Variants in VPS53 observed in about 807,000 individuals in gnomAD.
VPS53 encodes VPS53 subunit of GARP complex, also known as vacuolar protein sorting-associated protein 53 homolog.
Under a neutral mutation model 107.0 loss-of-function variants are expected in VPS53, and 70 were observed. That is an observed-to-expected ratio of 0.65 (90% CI 0.54 to 0.80). The LOEUF (loss-of-function observed/expected upper bound fraction) is 0.80, where lower values mean the gene tolerates loss of function less well. VPS53 is among the 30% of genes least tolerant of loss of function. The probability of loss-of-function intolerance (pLI) is 0.00; values close to 1 mark genes in which losing one functional copy is unlikely to be tolerated. For synonymous variants in VPS53, 409 were observed against 393.3 expected, an observed-to-expected ratio of 1.04 and a Z score of -0.47; for missense variants, 917 against 1,049.4, an observed-to-expected ratio of 0.87 and a Z score of 1.74.
At chr17:611,852 A>G (rs1968892709) in intron 11 of VPS53, among the ~76,000 whole-genome samples, 1 of 152,214 alleles carries the variant, frequency 6.6e-6, no homozygotes, top group Non-Finnish European at 1.5e-5. Flanking sequence ...AAACCTGTAC[A>G]AATATTCACA....
intron 12 of VPS53, among the ~76,000 whole-genome samples, chr17:588,472 T>C (rs1194088271): frequency 6.6e-6 from 1 of 152,222 alleles, no homozygotes; most frequent in Non-Finnish European, 1.5e-5. Context: ...TTTTTTTAAA[T>C]AACACGTTGC....
intron 7 of VPS53, among the ~76,000 whole-genome samples, chr17:645,467 C>T (rs1354446846): frequency 6.6e-6 from 1 of 152,148 alleles, no homozygotes; most frequent in Non-Finnish European, 1.5e-5. Context: ...CCATTTTACC[C>T]TGCTGATAGT....
At chr17:622,849 C>T (rs1201602760) in intron 11 of VPS53, among the ~76,000 whole-genome samples, 1 of 150,966 alleles carries the variant, frequency 6.6e-6, no homozygotes. Context: ...AAGGGGTGCA[C>T]CCGACTAATT....
At chr17:539,947 T>G (rs906702075) in intron 17 of VPS53, among the ~76,000 whole-genome samples, 1 of 151,792 alleles carries the variant, frequency 6.6e-6, no homozygotes. Flanking sequence ...CCAAACCAGG[T>G]CTATCTAAAG....
chr17:531,744 A>G (rs1405858330), intron 19 of VPS53, among the ~76,000 whole-genome samples: 2 of 138,298 alleles, frequency 1.4e-5, no homozygotes, highest in Non-Finnish European at 3.1e-5. Context: ...TGATCCTCCC[A>G]TCTCAGCCTC....
chr17:563,032 TAAGC>T (rs1382008802), intron 13 of VPS53, among the ~76,000 whole-genome samples: 1 of 152,150 alleles, frequency 6.6e-6, no homozygotes, highest in African/African-American at 2.4e-5. Context: ...CAAACCCCTG[TAAGC>T]AAGATAGGGT....
chr17:704,818 T>A (rs1254728544), intron 2 of VPS53, among the ~76,000 whole-genome samples: 1 of 152,120 alleles, frequency 6.6e-6, no homozygotes. Flanking sequence ...AACCTGGTGG[T>A]TTCCTACAAA....
chr17:546,606 G>C (rs916544607), intron 17 of VPS53, among the ~76,000 whole-genome samples: 4 of 152,114 alleles, frequency 2.6e-5, no homozygotes, highest in African/African-American at 9.7e-5. Context: ...AGTAGCATCT[G>C]AGAAGGTGAT....
At chr17:672,879 G>C in intron 4 of VPS53, among the ~76,000 whole-genome samples, 2 of 152,326 alleles carry the variant, frequency 1.3e-5, no homozygotes, top group African/African-American at 4.8e-5. Context: ...GTGGGAGGCT[G>C]AGGAAGGTGG....
At chr17:686,460 A>G (rs1972588983) in intron 4 of VPS53, among the ~76,000 whole-genome samples, 1 of 152,252 alleles carries the variant, frequency 6.6e-6, no homozygotes, top group Admixed American at 6.5e-5. Flanking sequence ...ATAGGGTGAT[A>G]TTGCATGTCA....
chr17:654,189 C>T (rs1456251628), intron 6 of VPS53, among the ~76,000 whole-genome samples: 13 of 151,948 alleles, frequency 8.6e-5, no homozygotes, highest in Non-Finnish European at 1.8e-4. Context: ...TGGGAGACTC[C>T]GTCTCAAAAA....
chr17:553,255 A>G (rs12940479), intron 16 of VPS53, 125 bp downstream of exon 16: 6 of 664,490 alleles, frequency 9.0e-6, no homozygotes, highest in South Asian at 1.7e-5. Flanking sequence ...TATACGTGCC[A>G]CATGCTGCTG....
chr17:641,704 T>A (rs894049529), intron 7 of VPS53, among the ~76,000 whole-genome samples: 23 of 151,952 alleles, frequency 1.5e-4, no homozygotes, highest in African/African-American at 5.6e-4. Context: ...ATCTGCCCAC[T>A]TCAGCCTCCC....
rs372656911 is a variant in VPS53, at chr17:626,420, G to A, written c.974+754C>T. Among the ~76,000 whole-genome samples, 16 of 152,154 alleles carry A rather than the reference G, an allele frequency of 1.1e-4. No homozygotes were observed. In the East Asian group the frequency reaches 1.7e-3, roughly 17 times the overall value. ...TGCAGTGGCTCATGCCTGTAATCCC[G>A]GCACTTCGGGAGGCTAAAATGGGCG... is the stretch of plus-strand genomic sequence containing the variant. On this transcript the variant is annotated intron_variant, in intron 10 of 21. Coordinates refer to ENST00000437048, the MANE Select transcript of VPS53 (RefSeq NM_001128159.3).
chr17:520,817 C>G lies in VPS53; in HGVS notation c.2223+784G>C, dbSNP rs1477483977. ...CCCTCACCTACATGAGCTGCTTCACCCTCACCTACATGAGCTGCTTCACCC... is the reference window on the plus strand; with the variant it reads ...CCCTCACCTACATGAGCTGCTTCACGCTCACCTACATGAGCTGCTTCACCC... On this transcript the variant is annotated intron_variant, in intron 20 of 21. Coordinates refer to ENST00000437048, the MANE Select transcript of VPS53 (RefSeq NM_001128159.3). The surrounding 1 kb of genome is among the most constrained non-coding windows in gnomAD (Gnocchi z 4.4). Among the ~76,000 whole-genome samples the G allele has an allele frequency of 6.6e-6, 1 of 152,092 alleles. No individual in the cohort carries two copies. The highest frequency in any genetic ancestry group is 1.5e-5 in the Non-Finnish European group (1 of 68,012).
At chr17:683,686 C>A (rs903884539) in intron 4 of VPS53, among the ~76,000 whole-genome samples, 1 of 152,160 alleles carries the variant, frequency 6.6e-6, no homozygotes, top group African/African-American at 2.4e-5. Flanking sequence ...ATACACAATA[C>A]AATTTACTTC....
In VPS53 at chr17:560,495, A is replaced by G. The variant is rs1191221722; in HGVS notation, c.1635T>C (p.Thr545=). 6.2e-7 allele frequency: 1 copy of G among 1,613,592 alleles called. No individual in the cohort carries two copies. The highest frequency in any genetic ancestry group is 2.2e-5 in the East Asian group (1 of 44,878). Residue 545 remains threonine (T), a synonymous_variant, in exon 15 of 22, where the codon ACT becomes ACC. Coordinates refer to ENST00000437048, the MANE Select transcript of VPS53 (RefSeq NM_001128159.3). ...EKEGSEVAKF[T]LEELCLICNI... is the part of the protein sequence containing the mutation. ...TACAGATGAGGCAGAGCTCCTCCAG[A>G]GTGAACTTGGCTACTTCTGAGCCCT...
In VPS53 at chr17:714,829, G is replaced by A. The variant is rs1973793711; in HGVS notation, c.-120C>T. On this transcript the variant is annotated 5_prime_UTR_variant, in exon 1 of 22. Coordinates refer to ENST00000437048, the MANE Select transcript of VPS53 (RefSeq NM_001128159.3). ...CGACCTGGTGAGCCCGGCTCCGTCA[G>A]CCGCTCTGTCAGCCGCTCCGGCACT... The A allele has an allele frequency of 3.5e-6, 4 of 1,138,318 alleles. No homozygotes were observed. Among genetic ancestry groups the A allele is most frequent in the African/African-American group, 1.5e-5 (1 of 65,286 alleles). The allele number at this position is 1,138,318 out of a possible 1,614,324, so 70.5% of individuals were successfully genotyped here.
At chr17:678,613 T>C (rs938293628) in intron 4 of VPS53, among the ~76,000 whole-genome samples, 17 of 150,026 alleles carry the variant, frequency 1.1e-4, no homozygotes, top group Non-Finnish European at 1.3e-4. Context: ...ATTACAGGCA[T>C]GTGCCACCAC....
Sources: allele counts gnomAD v4.1 joint callset (sites outside exome capture counted in the v4.1 genomes callset), GRCh38; gene constraint gnomAD v4.1.1; non-coding constraint Gnocchi (gnomAD v3.1); transcripts MANE v1.5; gene names NCBI Gene and HGNC (gene_info 2026-07-23, HGNC 2026-07-21).